Variants in PDS5A observed in about 807,000 individuals in gnomAD.
PDS5A encodes the protein sister chromatid cohesion protein PDS5 homolog A.
In PDS5A, 42 loss-of-function variants were observed where a neutral mutation model predicts 167.1. The ratio of observed to expected loss-of-function variants is 0.25; its 90% CI spans 0.20 to 0.33. PDS5A has a LOEUF of 0.33. Ranked by LOEUF, PDS5A falls within the 10% of genes least tolerant of loss-of-function variation. PDS5A has a pLI of 1.00. For synonymous variants in PDS5A, 553 were observed against 554.6 expected, an observed-to-expected ratio of 1.00 and a Z score of 0.04; for missense variants, 1,033 against 1,605.9, an observed-to-expected ratio of 0.64 and a Z score of 6.10.
At chr4:39,906,603 T>C (rs1723369145) in intron 11 of PDS5A, among the ~76,000 whole-genome samples, 2 of 148,738 alleles carry the variant, frequency 1.3e-5, no homozygotes, top group Admixed American at 6.7e-5. Context: ...AAAAAATCTG[T>C]GTATTAAAAA....
chr4:39,825,480 C>T lies in PDS5A; in HGVS notation c.*5G>A. On this transcript the variant is annotated 3_prime_UTR_variant, in exon 33 of 33. Transcript: ENST00000303538. ...CCTTCATTTTCTCCCTTTGCAAATG[C>T]ATTTTTACCTTAGGGTTAAGAATAG... 1 of 1,581,046 alleles carries T rather than the reference C, an allele frequency of 6.3e-7. No homozygotes were observed. Among genetic ancestry groups the T allele is most frequent in the Non-Finnish European group, 8.6e-7 (1 of 1,160,808 alleles).
intron 19 of PDS5A, among the ~76,000 whole-genome samples, chr4:39,875,827 A>G (rs1168154937): frequency 6.6e-6 from 1 of 152,174 alleles, no homozygotes; most frequent in East Asian, 1.9e-4. Flanking sequence ...GTGAATGACA[A>G]AGGAAGATAG....
At position 39,823,621 on chromosome 4, in the gene PDS5A, T is replaced by C. The variant is rs896581884; in HGVS notation, c.*1864A>G. 6.5e-6 allele frequency: 1 copy of C among 152,752 alleles called. No homozygotes were observed. The highest frequency in any genetic ancestry group is 1.9e-4 in the East Asian group (1 of 5,186). 9.5% of individuals were successfully genotyped at this position (152,752 alleles called of 1,614,324 possible). ...AAATAGAACACACCTACTGATTGCT[T>C]GAGGGACTTCTCTGATACTTATGCA... On this transcript the variant is annotated 3_prime_UTR_variant, in exon 33 of 33. Coordinates refer to ENST00000303538, the MANE Select transcript of PDS5A (RefSeq NM_001100399.2).
At chr4:39,901,338 G>A (rs750982161) in intron 13 of PDS5A, among the ~76,000 whole-genome samples, 25 of 148,062 alleles carry the variant, frequency 1.7e-4, no homozygotes, top group Non-Finnish European at 3.1e-4. Flanking sequence ...GATAATCTCG[G>A]CTCACTGCAA....
chr4:39,905,418 C>T (rs890215618), intron 11 of PDS5A, among the ~76,000 whole-genome samples: 1 of 152,140 alleles, frequency 6.6e-6, no homozygotes, highest in Non-Finnish European at 1.5e-5. Flanking sequence ...ATTAGCCGGG[C>T]ATGGTGGCAC....
chr4:39,927,051 CTT>C (rs994626873), intron 3 of PDS5A, among the ~76,000 whole-genome samples, 190 bp from the exon 4 acceptor site: 9 of 152,126 alleles, frequency 5.9e-5, no homozygotes, highest in African/African-American at 1.9e-4. Flanking sequence ...AAATTATACT[CTT>C]TAGAAGCAAA....
At chr4:39,921,380 T>C (rs576967874) in intron 6 of PDS5A, among the ~76,000 whole-genome samples, 1 of 152,144 alleles carries the variant, frequency 6.6e-6, no homozygotes, top group East Asian at 1.9e-4. Flanking sequence ...AAGGATAAGA[T>C]TTGCTTAAAA....
chr4:39,922,820 A>G, intron 5 of PDS5A, 72 bp from the exon 6 acceptor site: 3 of 1,359,572 alleles, frequency 2.2e-6, no homozygotes, highest in South Asian at 4.2e-5. Flanking sequence ...CTAATAGGAA[A>G]TTAAACGTCC....
chr4:39,972,010 GAA>G (rs1730592611), intron 2 of PDS5A, among the ~76,000 whole-genome samples: 1 of 152,138 alleles, frequency 6.6e-6, no homozygotes, highest in African/African-American at 2.4e-5. Context: ...GAATTTTTCA[GAA>G]AACATTTTGG....
At chr4:39,959,360 T>G (rs1251553635) in intron 2 of PDS5A, among the ~76,000 whole-genome samples, 1 of 152,156 alleles carries the variant, frequency 6.6e-6, no homozygotes, top group African/African-American at 2.4e-5. Context: ...TAAATTTTTT[T>G]GTTGTTGTTG....
rs546612688 is a variant in PDS5A, at chr4:39,928,233, T to A, written c.139-69A>T. 523 of 814,776 alleles carry A rather than the reference T, an allele frequency of 6.4e-4. 1 individual carries two copies. The African/African-American group carries it at 7.4e-3, about 12-fold the overall frequency. 50.5% of individuals were successfully genotyped at this position (814,776 alleles called of 1,614,324 possible). On this transcript the variant is annotated intron_variant, in intron 2 of 32. Transcript: ENST00000303538. ...TTAGAAATCAGTGGAGGATGTGATT[T>A]AAAAAAAAAAAAGTCATCTCCATTA...
At chr4:39,831,606 G>A (rs559140347) in intron 32 of PDS5A, among the ~76,000 whole-genome samples, 5 of 151,710 alleles carry the variant, frequency 3.3e-5, no homozygotes, top group South Asian at 2.1e-4. Flanking sequence ...GGATGGGTGC[G>A]ATGGCTCACG....
intron 2 of PDS5A, among the ~76,000 whole-genome samples, chr4:39,971,097 G>C (rs1020406550): frequency 6.6e-6 from 1 of 151,644 alleles, no homozygotes; most frequent in African/African-American, 2.4e-5. Flanking sequence ...GAAAACTGAC[G>C]AGAACAGGAC....
At chr4:39,946,458 C>T (rs1187607206) in intron 2 of PDS5A, among the ~76,000 whole-genome samples, 2 of 151,834 alleles carry the variant, frequency 1.3e-5, no homozygotes, top group South Asian at 2.1e-4. Context: ...AAAATATTAC[C>T]ACCCAGAAGA....
At chr4:39,860,511 A>T (rs1205855635) in intron 26 of PDS5A, among the ~76,000 whole-genome samples, 1 of 152,092 alleles carries the variant, frequency 6.6e-6, no homozygotes, top group African/African-American at 2.4e-5. Flanking sequence ...AAATTAGTAG[A>T]TCTAAGAGAT....
chr4:39,942,040 C>CTCT (rs1282936242), intron 2 of PDS5A, among the ~76,000 whole-genome samples: 8 of 152,108 alleles, frequency 5.3e-5, no homozygotes, highest in Admixed American at 1.3e-4. Context: ...CAACTTGAGT[C>CTCT]TCTTTAGATT....
intron 30 of PDS5A, 124 bp downstream of exon 30, chr4:39,844,532 C>T: frequency 1.6e-6 from 1 of 618,740 alleles, no homozygotes; most frequent in Middle Eastern, 3.3e-4. Context: ...TAAAATTCAT[C>T]AATATTATTT....
intron 13 of PDS5A, among the ~76,000 whole-genome samples, chr4:39,901,269 T>TC (rs1419492508): frequency 3.3e-4 from 43 of 131,372 alleles, no homozygotes; most frequent in East Asian, 7.8e-4. Context: ...TTTCTTTCTT[T>TC]TTTTTTTTTT....
chr4:39,864,876 A>G (rs1353200339), intron 23 of PDS5A, among the ~76,000 whole-genome samples: 2 of 152,234 alleles, frequency 1.3e-5, no homozygotes, highest in African/African-American at 4.8e-5. Flanking sequence ...GATCTGTCCA[A>G]TGGGTGTTCA....
Sources: gnomAD v4.1 joint callset for allele counts (sites outside exome capture counted in the v4.1 genomes callset) on GRCh38, gnomAD v4.1.1 for gene constraint, MANE v1.5 for transcripts, NCBI Gene and HGNC (gene_info 2026-07-23, HGNC 2026-07-21) for gene names.